Variants in RFLNA observed in about 807,000 individuals in gnomAD.
The protein encoded by RFLNA is refilin-A.
Under a neutral mutation model 7.8 loss-of-function variants are expected in RFLNA, and 5 were observed. That is an observed-to-expected ratio of 0.64 (90% CI 0.34 to 1.35). RFLNA has a LOEUF of 1.35. Ranked by LOEUF, RFLNA falls within the 40% of genes most tolerant of loss-of-function variation. RFLNA has a pLI of 0.04. For synonymous variants in RFLNA, 141 were observed against 131.3 expected, an observed-to-expected ratio of 1.07 and a Z score of -0.50; for missense variants, 278 against 305.5, an observed-to-expected ratio of 0.91 and a Z score of 0.67.
intron 1 of RFLNA, among the ~76,000 whole-genome samples, chr12:124,297,506 A>G (rs1461224603): frequency 1.3e-5 from 2 of 152,270 alleles, no homozygotes; most frequent in East Asian, 1.9e-4. Context: ...CATGAAGCCT[A>G]CACTCCAATT....
At chr12:124,294,128 G>A (rs2033863566), upstream of RFLNA, among the ~76,000 whole-genome samples, 1 of 152,178 alleles carries the variant, frequency 6.6e-6, no homozygotes, top group Non-Finnish European at 1.5e-5. Context: ...TCTTCAAAGT[G>A]CTGCCCTCAG....
intron 1 of RFLNA, among the ~76,000 whole-genome samples, chr12:124,308,484 TGGCCGTGTTTTTGGTGTCCA>T (rs1315908371): frequency 3.9e-5 from 6 of 152,248 alleles, no homozygotes; most frequent in Admixed American, 3.9e-4. Flanking sequence ...AAGCCACCTC[TGGCCGTGTTTTTGGTGTCCA>T]TGCGTTGACC....
intron 1 of RFLNA, among the ~76,000 whole-genome samples, chr12:124,299,421 AG>A (rs2033987759): frequency 6.6e-6 from 1 of 152,214 alleles, no homozygotes; most frequent in South Asian, 2.1e-4. Context: ...TCAATTCTTT[AG>A]TGGCGATTTG....
upstream of RFLNA, among the ~76,000 whole-genome samples, chr12:124,292,787 AG>A (rs1319455090): frequency 6.6e-6 from 1 of 152,228 alleles, no homozygotes; most frequent in Non-Finnish European, 1.5e-5. Context: ...GAATGGCACA[AG>A]GGGGCCAGGA....
chr12:124,290,232 AG>A (rs1443553074), upstream of RFLNA, among the ~76,000 whole-genome samples: 1 of 151,980 alleles, frequency 6.6e-6, no homozygotes, highest in Non-Finnish European at 1.5e-5. The surrounding 1 kb of genome is among the most constrained non-coding windows in gnomAD (Gnocchi z 4.0). Flanking sequence ...GTATGTGTGT[AG>A]ATGTGTAGAC....
In RFLNA at chr12:124,314,271, G is replaced by A. The variant is rs749272800; in HGVS notation, c.397G>A (p.Ala133Thr). ...VFYAPVPTVT[A>T]YSETIVAAPN... ...CTATGCGCCCGTACCCACCGTCACGGCCTACAGCGAGACCATCGTGGCAGC... is the reference window on the plus strand; with the variant it reads ...CTATGCGCCCGTACCCACCGTCACGACCTACAGCGAGACCATCGTGGCAGC... Residue 133 changes from alanine to threonine, a missense_variant, in exon 3 of 3, where the codon GCC becomes ACC. By Grantham distance (58) the Ala-to-Thr change is moderately conservative. Transcript: ENST00000546355. 1.2e-6 allele frequency: 2 copies of A among 1,613,658 alleles called. No individual in the cohort carries two copies. The highest frequency in any genetic ancestry group is 1.7e-6 in the Non-Finnish European group (2 of 1,180,034).
rs57624015 is a variant in RFLNA, at chr12:124,296,163, TC to T, written c.207+528del. On this transcript the variant is annotated intron_variant, in intron 1 of 2. Coordinates refer to ENST00000546355, the MANE Select transcript of RFLNA (RefSeq NM_001365156.1). Reference sequence around the variant, plus strand: ...CTTCTTCTCTTCTCTTCTCTTCTCTTCTCTTCTCTTCTCTTCTCTTCTTTTC... The same window carrying T: ...CTTCTTCTCTTCTCTTCTCTTCTCTTTCTTCTCTTCTCTTCTCTTCTTTTC... Among the ~76,000 whole-genome samples the T allele has an allele frequency of 7.7e-4, 4 of 5,192 alleles. 1 individual carries two copies. In the East Asian group the frequency reaches 0.021, roughly 27 times the overall value. The allele number at this position is 5,192 out of a possible 152,430, so 3.4% of individuals were successfully genotyped here.
In RFLNA at chr12:124,314,529, G is replaced by T. The variant is rs1016105509; in HGVS notation, c.*4G>T. On this transcript the variant is annotated 3_prime_UTR_variant, in exon 3 of 3. Coordinates refer to ENST00000546355, the MANE Select transcript of RFLNA (RefSeq NM_001365156.1). Reference sequence around the variant, plus strand: ...CCTGGGCCCTGCCACGCTCTGACGGGGCTGGGGCCGGCCCGGGGTGCTGGA... The same window carrying T: ...CCTGGGCCCTGCCACGCTCTGACGGTGCTGGGGCCGGCCCGGGGTGCTGGA... 3.2e-6 allele frequency: 5 copies of T among 1,566,242 alleles called. No individual in the cohort carries two copies. Among genetic ancestry groups the T allele is most frequent in the Non-Finnish European group, 4.3e-6 (5 of 1,162,694 alleles).
At chr12:124,311,991 C>G in intron 2 of RFLNA, 64 bp downstream of exon 2, 1 of 1,442,292 alleles carries the variant, frequency 6.9e-7, no homozygotes, top group Non-Finnish European at 9.2e-7. Flanking sequence ...GGTCCTGACT[C>G]TCTTGTGGGA....
At chr12:124,300,160 A>G (rs2034000872) in intron 1 of RFLNA, among the ~76,000 whole-genome samples, 1 of 152,222 alleles carries the variant, frequency 6.6e-6, no homozygotes, top group African/African-American at 2.4e-5. Flanking sequence ...GACAGATCTG[A>G]GCTGTTGCTG....
intron 1 of RFLNA, 75 bp downstream of exon 1, chr12:124,295,711 C>T: frequency 8.3e-7 from 1 of 1,210,832 alleles, no homozygotes. Context: ...GAGACGCGCG[C>T]CACTGCAGCA....
intron 2 of RFLNA, 121 bp from the exon 3 acceptor site, chr12:124,314,071 C>A: frequency 1.6e-6 from 2 of 1,272,878 alleles, no homozygotes; most frequent in Non-Finnish European, 2.1e-6. Context: ...CATTTCAGAG[C>A]AGCCCACACC....
chr12:124,300,761 T>C (rs1295106910), intron 1 of RFLNA, among the ~76,000 whole-genome samples: 42 of 112,980 alleles, frequency 3.7e-4, no homozygotes, highest in East Asian at 2.3e-3. Flanking sequence ...GATGGATGGA[T>C]GGATGGATGG....
chr12:124,311,157 C>G (rs944319897), intron 1 of RFLNA, among the ~76,000 whole-genome samples: 2 of 152,214 alleles, frequency 1.3e-5, no homozygotes, highest in Non-Finnish European at 2.9e-5. Context: ...CTCTCATTGG[C>G]CCAGTGTGGG....
intron 1 of RFLNA, among the ~76,000 whole-genome samples, chr12:124,300,032 G>A (rs1463147009): frequency 6.6e-6 from 1 of 152,228 alleles, no homozygotes; most frequent in Non-Finnish European, 1.5e-5. Flanking sequence ...CTGCACTCAG[G>A]GAGGCTGAAA....
In RFLNA at chr12:124,311,849, C is replaced by T. The variant is rs367934677; in HGVS notation, c.239C>T (p.Ser80Leu). The T allele has an allele frequency of 1.3e-5, 21 of 1,599,094 alleles. No individual in the cohort carries two copies. The highest frequency in any genetic ancestry group is 1.5e-5 in the Non-Finnish European group (18 of 1,173,416). Residue 80 changes from serine to leucine, a missense_variant, in exon 2 of 3, where the codon TCG (serine) becomes TTG (leucine). By Grantham distance (145) the Ser-to-Leu change is moderately radical. Transcript: ENST00000546355. ...TCCCAACTCCCAAATCCCCCGGCGT[C>T]GGAGATGAGGCCCCGGATGCTGCCA... ...PPSQLPNPPA[S>L]EMRPRMLPVF...
intron 1 of RFLNA, among the ~76,000 whole-genome samples, chr12:124,308,921 C>A (rs2034185387): frequency 6.6e-6 from 1 of 152,238 alleles, no homozygotes; most frequent in African/African-American, 2.4e-5. Context: ...TCTGGATCTA[C>A]CCCGGCCAGT....
At position 124,314,666 on chromosome 12, in the gene RFLNA, A is replaced by G. The variant is rs1593042717; in HGVS notation, c.*141A>G. On this transcript the variant is annotated 3_prime_UTR_variant, in exon 3 of 3. Coordinates refer to ENST00000546355, the MANE Select transcript of RFLNA (RefSeq NM_001365156.1). Reference sequence around the variant, plus strand: ...CCAGACCAAGGACCCGTGTGGAAGGAGGCGGCTCCCCGCTGCCTGCCCTGA... The same window carrying G: ...CCAGACCAAGGACCCGTGTGGAAGGGGGCGGCTCCCCGCTGCCTGCCCTGA... 1 of 1,397,826 alleles carries G rather than the reference A, an allele frequency of 7.2e-7. No homozygotes were observed. Among genetic ancestry groups the G allele is most frequent in the Non-Finnish European group, 9.8e-7 (1 of 1,021,536 alleles). 86.6% of individuals were successfully genotyped at this position (1,397,826 alleles called of 1,614,324 possible).
At chr12:124,290,481 G>A (rs2135665243), upstream of RFLNA, among the ~76,000 whole-genome samples, 1 of 151,504 alleles carries the variant, frequency 6.6e-6, no homozygotes, top group South Asian at 2.1e-4. This position sits in a 1 kb window ranked among gnomAD's most constrained non-coding sequence, Gnocchi z 4.0. Context: ...GTGTGCTTGT[G>A]TGTACACATG....
Sources: gnomAD v4.1 joint callset for allele counts (sites outside exome capture counted in the v4.1 genomes callset) on GRCh38, gnomAD v4.1.1 for gene constraint, Gnocchi (gnomAD v3.1) non-coding constraint, MANE v1.5 for transcripts, NCBI Gene and HGNC (gene_info 2026-07-23, HGNC 2026-07-21) for gene names.